EXOC6B: variants seen among roughly 807,000 people sequenced by gnomAD.
The protein encoded by EXOC6B is exocyst complex component 6B.
Under a neutral mutation model 113.5 loss-of-function variants are expected in EXOC6B, and 54 were observed. That is an observed-to-expected ratio of 0.48 (90% CI 0.38 to 0.60). EXOC6B has a LOEUF of 0.60. EXOC6B is among the 20% of genes least tolerant of loss of function. EXOC6B has a pLI of 0.00. For synonymous variants in EXOC6B, 357 were observed against 339.0 expected (o/e 1.05, Z -0.58); for missense variants, 797 against 977.5 (o/e 0.82, Z 2.46).
In EXOC6B at chr2:72,754,139, G is replaced by A. The variant is rs1049457894; in HGVS notation, c.114-12670C>T. On this transcript the variant is annotated intron_variant, in intron 1 of 21. Transcript: ENST00000272427. Reference sequence around the variant, plus strand: ...TGGGCTCAAGCAATCCTCCCACCTCGGCCTCCCAAAATACTGGGATTACAG... The same window carrying A: ...TGGGCTCAAGCAATCCTCCCACCTCAGCCTCCCAAAATACTGGGATTACAG... 1.1e-4 allele frequency among the ~76,000 whole-genome samples: 17 copies of A among 151,662 alleles called. No individual in the cohort carries two copies. The East Asian group carries it at 2.2e-3, about 19-fold the overall frequency.
chr2:72,363,289 T>G (rs1690431366), intron 19 of EXOC6B, among the ~76,000 whole-genome samples: 1 of 152,020 alleles, frequency 6.6e-6, no homozygotes, highest in Admixed American at 6.6e-5. Context: ...AAGAATTACC[T>G]AACAATAATA....
chr2:72,672,410 C>A (rs1409710733), intron 6 of EXOC6B, among the ~76,000 whole-genome samples: 2 of 151,744 alleles, frequency 1.3e-5, no homozygotes, highest in East Asian at 3.9e-4. Flanking sequence ...GCAGGCGGAT[C>A]ACGAGGTCAG....
chr2:72,364,229 A>C (rs1379061899), intron 19 of EXOC6B, among the ~76,000 whole-genome samples: 4 of 152,032 alleles, frequency 2.6e-5, no homozygotes, highest in Non-Finnish European at 5.9e-5. Context: ...AAAAAAAATG[A>C]GGGGGGTGGT....
chr2:72,681,254 A>C (rs1676678386), intron 6 of EXOC6B, among the ~76,000 whole-genome samples: 1 of 152,172 alleles, frequency 6.6e-6, no homozygotes, highest in African/African-American at 2.4e-5. Context: ...CTTTGCCTGG[A>C]ATAGAATTTC....
At chr2:72,296,542 T>C (rs920143520) in intron 20 of EXOC6B, among the ~76,000 whole-genome samples, 1 of 152,204 alleles carries the variant, frequency 6.6e-6, no homozygotes, top group African/African-American at 2.4e-5. Context: ...AATTCCATGA[T>C]TATTTTTCTT....
At chr2:72,536,522 G>A (rs1029485346) in intron 8 of EXOC6B, among the ~76,000 whole-genome samples, 2 of 151,946 alleles carry the variant, frequency 1.3e-5, no homozygotes, top group African/African-American at 2.4e-5. Context: ...AAAGGTTTTT[G>A]TTGATACAAA....
intron 18 of EXOC6B, among the ~76,000 whole-genome samples, chr2:72,397,308 G>A (rs2105139123): frequency 6.6e-6 from 1 of 152,112 alleles, no homozygotes; most frequent in Admixed American, 6.5e-5. Flanking sequence ...TATCATTTCT[G>A]GAATTCTTCT....
intron 6 of EXOC6B, among the ~76,000 whole-genome samples, chr2:72,586,875 C>A (rs1705619430): frequency 6.6e-6 from 1 of 151,704 alleles, no homozygotes; most frequent in Admixed American, 6.6e-5. Flanking sequence ...CCATCTCACA[C>A]CAGTCAGAAT....
chr2:72,648,909 C>T (rs1293765456), intron 6 of EXOC6B, among the ~76,000 whole-genome samples: 1 of 151,998 alleles, frequency 6.6e-6, no homozygotes, highest in Non-Finnish European at 1.5e-5. Flanking sequence ...TTTGGGAGGC[C>T]GAGGCAGGAG....
chr2:72,269,744 AG>A (rs1229178440), intron 20 of EXOC6B, among the ~76,000 whole-genome samples: 1 of 152,148 alleles, frequency 6.6e-6, no homozygotes, highest in Non-Finnish European at 1.5e-5. Flanking sequence ...TTTGAGCATT[AG>A]TGTCTTCATC....
intron 1 of EXOC6B, among the ~76,000 whole-genome samples, chr2:72,754,420 T>C (rs930475000): frequency 4.6e-5 from 7 of 151,706 alleles, no homozygotes; most frequent in Non-Finnish European, 8.8e-5. Flanking sequence ...TTGGTAGAGA[T>C]GAGGTCTTGC....
intron 1 of EXOC6B, among the ~76,000 whole-genome samples, chr2:72,822,923 G>A (rs990747211): frequency 3.3e-5 from 5 of 152,010 alleles, no homozygotes; most frequent in African/African-American, 1.2e-4. Flanking sequence ...TGAAAAACAG[G>A]AGATAATGAC....
intron 20 of EXOC6B, among the ~76,000 whole-genome samples, chr2:72,232,647 T>C (rs1322413179): frequency 2.0e-5 from 3 of 152,330 alleles, no homozygotes; most frequent in East Asian, 1.9e-4. Context: ...TTGTTAATAA[T>C]AGGAGATGCT....
intron 20 of EXOC6B, among the ~76,000 whole-genome samples, chr2:72,254,781 C>T (rs1057286204): frequency 2.0e-5 from 3 of 152,068 alleles, no homozygotes; most frequent in African/African-American, 7.2e-5. Context: ...GCAGAAAACT[C>T]GGCTGAATTA....
chr2:72,322,610 C>A (rs1376204808), intron 20 of EXOC6B, among the ~76,000 whole-genome samples: 1 of 151,880 alleles, frequency 6.6e-6, no homozygotes, highest in Non-Finnish European at 1.5e-5. Context: ...TTAAGATAAC[C>A]AAAACAGCAT....
intron 18 of EXOC6B, among the ~76,000 whole-genome samples, chr2:72,459,266 C>T (rs1395545856): frequency 2.6e-5 from 4 of 151,866 alleles, no homozygotes; most frequent in African/African-American, 7.3e-5. Context: ...TGGGCAAAAA[C>T]TGGAAGCATT....
chr2:72,554,863 G>A (rs1031296190), intron 8 of EXOC6B, among the ~76,000 whole-genome samples: 10 of 151,924 alleles, frequency 6.6e-5, no homozygotes, highest in African/African-American at 1.5e-4. Context: ...CCATCAACTC[G>A]TCATTTACAT....
rs772757311 is a variant in EXOC6B, at chr2:72,179,381, G to A, written c.2390C>T (p.Thr797Ile). The change falls in exon 22 of 22, where the codon ACC becomes ATC. Residue 797 changes from threonine (T) to isoleucine (I), a missense_variant. Physicochemically the swap from Thr to Ile is moderately conservative, Grantham distance 89. Coordinates refer to ENST00000272427, the MANE Select transcript of EXOC6B (RefSeq NM_015189.3). ...GAGTCCTCGGAGCTGCTTGGCCACG[G>A]TGTCAATGAGTTTCTGCTTGTCTCG... ...NERDKQKLIDTVAKQLRGLIS... is the reference protein window; with the variant it reads ...NERDKQKLIDIVAKQLRGLIS... 9.3e-6 allele frequency: 15 copies of A among 1,613,528 alleles called. No individual in the cohort carries two copies. Among genetic ancestry groups the A allele is most frequent in the Non-Finnish European group, 1.2e-5 (14 of 1,179,812 alleles).
chr2:72,270,576 A>G (rs1684419050), intron 20 of EXOC6B, among the ~76,000 whole-genome samples: 1 of 152,184 alleles, frequency 6.6e-6, no homozygotes, highest in Non-Finnish European at 1.5e-5. Flanking sequence ...TACCCATGCT[A>G]TCCAGAACAC....
Sources: gnomAD v4.1 joint callset for allele counts (sites outside exome capture counted in the v4.1 genomes callset) on GRCh38, gnomAD v4.1.1 for gene constraint, MANE v1.5 for transcripts, NCBI Gene and HGNC (gene_info 2026-07-23, HGNC 2026-07-21) for gene names.